The following PALM2AKAP2 variants were observed in gnomAD, a reference collection of about 807,000 sequenced individuals.
The protein encoded by PALM2AKAP2 is PALM2-AKAP2 fusion protein.
Under a neutral mutation model 71.5 loss-of-function variants are expected in PALM2AKAP2, and 37 were observed. The observed-to-expected ratio is 0.52, with a 90% CI of 0.40 to 0.68. The LOEUF (loss-of-function observed/expected upper bound fraction) is 0.68, where lower values mean the gene tolerates loss of function less well. Among genes scored for constraint, PALM2AKAP2 ranks in the 30% least tolerant of loss-of-function variants. The pLI is 0.00. For synonymous variants in PALM2AKAP2, 468 were observed against 478.8 expected, an observed-to-expected ratio of 0.98 and a Z score of 0.29; for missense variants, 1,224 against 1,191.8, an observed-to-expected ratio of 1.03 and a Z score of -0.40.
intron 1 of PALM2AKAP2, among the ~76,000 whole-genome samples, chr9:110,071,286 TA>T (rs1259816298): frequency 6.6e-6 from 1 of 152,206 alleles, no homozygotes; most frequent in Non-Finnish European, 1.5e-5. Context: ...AGGTACTCAG[TA>T]AATAGTTACT....
intron 1 of PALM2AKAP2, among the ~76,000 whole-genome samples, chr9:109,671,481 T>C (rs1224235763): frequency 1.3e-5 from 2 of 152,212 alleles, no homozygotes; most frequent in Non-Finnish European, 2.9e-5. Context: ...TTTGTACCAG[T>C]ACCATGTTGT....
intron 6 of PALM2AKAP2, among the ~76,000 whole-genome samples, chr9:109,969,941 G>T (rs978089090): frequency 6.6e-6 from 1 of 152,218 alleles, no homozygotes; most frequent in Non-Finnish European, 1.5e-5. Flanking sequence ...ACCAAAAGTA[G>T]CCTCTGCCCA....
chr9:109,830,486 A>G (rs1587940931), intron 1 of PALM2AKAP2, among the ~76,000 whole-genome samples: 1 of 152,348 alleles, frequency 6.6e-6, no homozygotes, highest in African/African-American at 2.4e-5. Flanking sequence ...AACTGCCAAC[A>G]TAGCCTTTTC....
At chr9:110,081,354 G>A (rs549039351) in intron 1 of PALM2AKAP2, among the ~76,000 whole-genome samples, 2 of 152,294 alleles carry the variant, frequency 1.3e-5, no homozygotes, top group South Asian at 2.1e-4. Context: ...TGTTATTTAC[G>A]TTTTGGAATT....
intron 1 of PALM2AKAP2, among the ~76,000 whole-genome samples, chr9:110,133,698 G>A (rs1446189601): frequency 1.3e-5 from 2 of 151,740 alleles, no homozygotes; most frequent in African/African-American, 4.8e-5. Context: ...AAGGATAGAA[G>A]GAGAGCTCTG....
rs1725830674 is a variant in PALM2AKAP2, at chr9:110,094,250, T to C, written c.157-41877T>C. On this transcript the variant is annotated intron_variant, in intron 1 of 3. Transcript: ENST00000374525. Reference sequence around the variant, plus strand: ...TGTCTAATACCACAATGCACCACTGTAGGGTAGTTCCTCAGGAGAGAATAG... The same window carrying C: ...TGTCTAATACCACAATGCACCACTGCAGGGTAGTTCCTCAGGAGAGAATAG... Among the ~76,000 whole-genome samples, 3 of 152,192 alleles carry C rather than the reference T, an allele frequency of 2.0e-5. No individual in the cohort carries two copies. The South Asian group carries it at 6.2e-4, about 32-fold the overall frequency.
chr9:110,046,067 T>G (rs1473726617), upstream of PALM2AKAP2, among the ~76,000 whole-genome samples: 2 of 152,112 alleles, frequency 1.3e-5, no homozygotes. Flanking sequence ...TGCCAAAATG[T>G]CCCCTGGGGA....
intron 3 of PALM2AKAP2, among the ~76,000 whole-genome samples, chr9:109,914,960 C>T (rs1361178957): frequency 6.6e-6 from 1 of 152,176 alleles, no homozygotes; most frequent in Non-Finnish European, 1.5e-5. Context: ...CCCAGGAGTC[C>T]TCTTTCCCCT....
rs897451215 is a variant in PALM2AKAP2, at chr9:109,952,524, A to T, written c.496+20496A>T. On this transcript the variant is annotated intron_variant, in intron 6 of 9. Coordinates refer to the PALM2AKAP2 transcript ENST00000302798. Reference sequence around the variant, plus strand: ...ATGAGTGGTGTTTTATAGATTGCTCAAACCGCCAGGTTAAGATTGACAAGA... The same window carrying T: ...ATGAGTGGTGTTTTATAGATTGCTCTAACCGCCAGGTTAAGATTGACAAGA... 2.0e-5 allele frequency among the ~76,000 whole-genome samples: 3 copies of T among 152,338 alleles called. No individual in the cohort carries two copies. The East Asian group carries it at 5.8e-4, about 29-fold the overall frequency.
chr9:110,115,601 A>G (rs1182954199), intron 1 of PALM2AKAP2, among the ~76,000 whole-genome samples: 1 of 152,206 alleles, frequency 6.6e-6, no homozygotes, highest in Non-Finnish European at 1.5e-5. Context: ...TTTTCCTGCC[A>G]GAGTGTGTCA....
intron 1 of PALM2AKAP2, among the ~76,000 whole-genome samples, chr9:110,114,062 T>A (rs1835309953): frequency 6.6e-6 from 1 of 152,242 alleles, no homozygotes. Context: ...AGGGCAGCTA[T>A]AACAAATTCT....
chr9:109,767,100 T>C (rs1829166307), intron 1 of PALM2AKAP2, among the ~76,000 whole-genome samples: 1 of 152,210 alleles, frequency 6.6e-6, no homozygotes, highest in South Asian at 2.1e-4. Context: ...AGAGAGCTGA[T>C]GTGAGAGAAA....
At chr9:109,977,028 G>C (rs1440507793) in intron 6 of PALM2AKAP2, among the ~76,000 whole-genome samples, 1 of 150,910 alleles carries the variant, frequency 6.6e-6, no homozygotes, top group Non-Finnish European at 1.5e-5. Context: ...TGAAGGGCTT[G>C]TTTAAAAAAA....
At chr9:109,933,049 T>A (rs1831143204) in intron 6 of PALM2AKAP2, among the ~76,000 whole-genome samples, 1 of 152,242 alleles carries the variant, frequency 6.6e-6, no homozygotes, top group Non-Finnish European at 1.5e-5. Context: ...CACTGGCTAA[T>A]TTAAATATCT....
intron 1 of PALM2AKAP2, among the ~76,000 whole-genome samples, chr9:109,855,548 T>G (rs1055873910): frequency 6.6e-6 from 1 of 152,168 alleles, no homozygotes; most frequent in East Asian, 1.9e-4. Context: ...AGTTCGTCAG[T>G]TTTGTGCTTT....
intron 1 of PALM2AKAP2, among the ~76,000 whole-genome samples, chr9:109,722,931 C>T (rs1828426756): frequency 6.6e-6 from 1 of 152,208 alleles, no homozygotes; most frequent in African/African-American, 2.4e-5. Flanking sequence ...CAAGCACCTC[C>T]TGCCTCATGT....
chr9:109,781,200 A>G (rs530329618), intron 1 of PALM2AKAP2, among the ~76,000 whole-genome samples: 1 of 152,204 alleles, frequency 6.6e-6, no homozygotes, highest in South Asian at 2.1e-4. Flanking sequence ...CAAAGTTCGT[A>G]GGCACTTTCA....
rs1206271203 is a variant in PALM2AKAP2, at chr9:109,682,704, G to A, written c.5+41838G>A. Among the ~76,000 whole-genome samples the A allele has an allele frequency of 2.6e-5, 4 of 152,298 alleles. No individual in the cohort carries two copies. The East Asian group carries it at 7.7e-4, about 29-fold the overall frequency. On this transcript the variant is annotated intron_variant, in intron 1 of 6. Transcript: ENST00000374531. ...AACATTTTTCTCTGTCAGGTTTCCA[G>A]AATCTTCTGGCCTAGTGCCATTTTG...
chr9:109,751,459 C>T (rs1463289042), intron 1 of PALM2AKAP2, among the ~76,000 whole-genome samples: 1 of 152,098 alleles, frequency 6.6e-6, no homozygotes, highest in East Asian at 1.9e-4. Context: ...CTTTGCCATC[C>T]GCGCTGACCA....
Sources: gnomAD v4.1 joint callset for allele counts (sites outside exome capture counted in the v4.1 genomes callset) on GRCh38, gnomAD v4.1.1 for gene constraint, MANE v1.5 for transcripts, NCBI Gene and HGNC (gene_info 2026-07-23, HGNC 2026-07-21) for gene names.